Variants in DNMT3A observed in about 807,000 individuals in gnomAD.
DNMT3A encodes DNA methyltransferase 3 alpha, also known as DNA (cytosine-5)-methyltransferase 3A.
DNMT3A carries 267 observed loss-of-function variants against 117.6 expected under a neutral mutation model. That is an observed-to-expected ratio of 2.27 (90% CI 2.05 to 2.51). The LOEUF is 2.51. DNMT3A is among the 30% of genes most tolerant of loss of function. The probability of loss-of-function intolerance (pLI) is 0.00; values close to 1 mark genes in which losing one functional copy is unlikely to be tolerated. For missense variants in DNMT3A, 1,029 were observed against 1,260.2 expected, an observed-to-expected ratio of 0.82 and a Z score of 2.78; for synonymous variants, 432 against 474.8, an observed-to-expected ratio of 0.91 and a Z score of 1.17.
intron 6 of DNMT3A, chr2:25,251,901 C>A: frequency 2.1e-6 from 1 of 469,260 alleles, no homozygotes; most frequent in Non-Finnish European, 3.8e-6. Context: ...CGTGCCCCAG[C>A]CTGCAGTTAC....
At chr2:25,244,518 C>A (rs1023785603) in intron 14 of DNMT3A, 22 bp downstream of exon 14, 12 of 1,612,598 alleles carry the variant, frequency 7.4e-6, no homozygotes, top group Non-Finnish European at 9.3e-6. Context: ...AAGGAGACCA[C>A]TGGAGGCCAC....
intron 6 of DNMT3A, among the ~76,000 whole-genome samples, chr2:25,261,438 CAAA>C (rs1299589500): frequency 3.3e-5 from 1 of 30,110 alleles, no homozygotes; most frequent in Admixed American, 4.0e-4. Flanking sequence ...GACTCTGTCT[CAAA>C]AAAAAAAAAA....
At position 25,257,503 on chromosome 2, in the gene DNMT3A, G is replaced by A. The variant is rs1676260640; in HGVS notation, c.640-9251C>T. ...TCCTGGCTTCTCTGGAGGGAGAGAA[G>A]TGGGGGTCTGGTCTTGGCTTAGCCG... On this transcript the variant is annotated intron_variant, in intron 6 of 22. Transcript: ENST00000321117. The surrounding 1 kb of genome is among the most constrained non-coding windows in gnomAD (Gnocchi z 4.8). Among the ~76,000 whole-genome samples, 1 of 152,152 alleles carries A rather than the reference G, an allele frequency of 6.6e-6. No homozygotes were observed. Among genetic ancestry groups the A allele is most frequent in the African/African-American group, 2.4e-5 (1 of 41,434 alleles).
chr2:25,296,710 A>C lies in DNMT3A; in HGVS notation c.177+3429T>G, dbSNP rs991757210. On this transcript the variant is annotated intron_variant, in intron 3 of 22. Coordinates refer to ENST00000321117, the MANE Select transcript of DNMT3A (RefSeq NM_022552.5). This position sits in a 1 kb window ranked among gnomAD's most constrained non-coding sequence, Gnocchi z 4.2. ...GGGCAGGTGGAGTCTGGTTTGGGTG[A>C]GGGCAATGCCAGGGGGCAGAAGGCA... 9.8e-5 allele frequency among the ~76,000 whole-genome samples: 15 copies of C among 152,330 alleles called. No individual in the cohort carries two copies. The highest frequency in any genetic ancestry group is 3.6e-4 in the African/African-American group (15 of 41,564).
In DNMT3A at chr2:25,247,969, G is replaced by T; in HGVS notation, c.855+68C>A. The T allele has an allele frequency of 3.1e-6, 5 of 1,602,642 alleles. No individual in the cohort carries two copies. The highest frequency in any genetic ancestry group is 4.3e-6 in the Non-Finnish European group (5 of 1,174,330). On this transcript the variant is annotated intron_variant, in intron 7 of 22. Coordinates refer to ENST00000321117, the MANE Select transcript of DNMT3A (RefSeq NM_022552.5). This position sits in a 1 kb window ranked among gnomAD's most constrained non-coding sequence, Gnocchi z 5.6. Reference sequence around the variant, plus strand: ...GTGGGAGATGGAGAGAGGAGAGCAGGACGGGAGGAGCTGGCAGTGGAAGGC... The same window carrying T: ...GTGGGAGATGGAGAGAGGAGAGCAGTACGGGAGGAGCTGGCAGTGGAAGGC...
intron 1 of DNMT3A, among the ~76,000 whole-genome samples, chr2:25,322,360 T>C (rs980056804): frequency 1.3e-5 from 2 of 152,094 alleles, no homozygotes; most frequent in Admixed American, 6.6e-5. Flanking sequence ...TGTTGTTCTA[T>C]GAAATCATCA....
chr2:25,255,591 C>T (rs1220177428), intron 6 of DNMT3A, among the ~76,000 whole-genome samples: 7 of 152,116 alleles, frequency 4.6e-5, no homozygotes, highest in Admixed American at 1.3e-4. Context: ...CTCCTAAGCC[C>T]GACAAAAATA....
rs372309513 is a variant in DNMT3A, at chr2:25,247,028, G to A, written c.1122+23C>T. The A allele has an allele frequency of 2.9e-5, 47 of 1,609,108 alleles. No homozygotes were observed. The highest frequency in any genetic ancestry group is 1.6e-4 in the Middle Eastern group (1 of 6,080). ...TCCTAGTGCTCTAGGCTCCTCCTCC[G>A]AGCTCCCAGCAGGGACACTCACCTG... On this transcript the variant is annotated intron_variant, in intron 9 of 22. Transcript: ENST00000321117. This position sits in a 1 kb window ranked among gnomAD's most constrained non-coding sequence, Gnocchi z 5.6.
chr2:25,278,110 GC>G (rs1245568343), intron 4 of DNMT3A, among the ~76,000 whole-genome samples: 1 of 152,102 alleles, frequency 6.6e-6, no homozygotes, highest in Admixed American at 6.5e-5. Flanking sequence ...GGGAGGGTCA[GC>G]TGCTCTCTCA....
intron 3 of DNMT3A, among the ~76,000 whole-genome samples, chr2:25,284,158 C>T (rs1029373320): frequency 6.6e-5 from 10 of 152,170 alleles, no homozygotes; most frequent in African/African-American, 2.4e-4. Flanking sequence ...TCGCTGGCTC[C>T]GTATGCAGAA....
chr2:25,308,087 C>T (rs866939781), intron 2 of DNMT3A, among the ~76,000 whole-genome samples: 12 of 152,192 alleles, frequency 7.9e-5, no homozygotes, highest in Admixed American at 3.3e-4. Context: ...ACTCTGTCCC[C>T]ACCCATGGTT....
intron 6 of DNMT3A, among the ~76,000 whole-genome samples, chr2:25,259,021 C>T (rs767737377): frequency 1.3e-5 from 2 of 152,174 alleles, no homozygotes; most frequent in Admixed American, 6.5e-5. Context: ...CCCTTCTCTC[C>T]CCACCTCTAT....
chr2:25,299,163 T>A (rs2033275022), intron 3 of DNMT3A, among the ~76,000 whole-genome samples: 1 of 152,164 alleles, frequency 6.6e-6, no homozygotes, highest in East Asian at 1.9e-4. Context: ...TGCTGGGAAA[T>A]AATGACTGCT....
intron 4 of DNMT3A, among the ~76,000 whole-genome samples, chr2:25,280,275 TCA>T (rs1168037833): frequency 6.6e-6 from 1 of 150,758 alleles, no homozygotes; most frequent in Non-Finnish European, 1.5e-5. Flanking sequence ...GCTGATTACA[TCA>T]CACACACTGC....
rs2035335005 is a variant in DNMT3A, at chr2:25,339,566, C to T, written c.-178+2260G>A. Among the ~76,000 whole-genome samples, 1 of 152,198 alleles carries T rather than the reference C, an allele frequency of 6.6e-6. No individual in the cohort carries two copies. Among genetic ancestry groups the T allele is most frequent in the Non-Finnish European group, 1.5e-5 (1 of 68,030 alleles). On this transcript the variant is annotated intron_variant, in intron 1 of 22. Transcript: ENST00000321117. This position sits in a 1 kb window ranked among gnomAD's most constrained non-coding sequence, Gnocchi z 4.9. ...GCTGCTGCACAGGCCAGCCTGGTCC[C>T]TCGCCTGGAGCCAGCACATGTGCAC...
Position 25,241,709 on chromosome 2 carries a change from T to G in DNMT3A, c.1937-2A>C, listed in dbSNP as rs770305758. On this transcript the variant is annotated splice_acceptor_variant, in intron 16 of 22. Transcript: ENST00000321117. LOFTEE classifies it high-confidence loss of function. ...CCAAGTCCTTCAGCACCAGGAGCCC[T>G]GCACCAGCCAGCAGACAGCACCGTT... is the stretch of plus-strand genomic sequence containing the variant. 6.2e-7 allele frequency: 1 copy of G among 1,613,392 alleles called. No homozygotes were observed. Among genetic ancestry groups the G allele is most frequent in the Non-Finnish European group, 8.5e-7 (1 of 1,179,758 alleles).
rs1381276735 is a variant in DNMT3A at position 25,254,622 on chromosome 2, A to G, written c.640-6370T>C. Among the ~76,000 whole-genome samples, 1 of 151,914 alleles carries G rather than the reference A, an allele frequency of 6.6e-6. No individual in the cohort carries two copies. The highest frequency in any genetic ancestry group is 1.5e-5 in the Non-Finnish European group (1 of 67,982). On this transcript the variant is annotated intron_variant, in intron 6 of 22. Transcript: ENST00000321117. This position sits in a 1 kb window ranked among gnomAD's most constrained non-coding sequence, Gnocchi z 4.7. ...AATTTGTCCCTCTTGCCTGCTCCCA[A>G]CCTTTAGGGAATGCAGCATGACTTG...
intron 6 of DNMT3A, among the ~76,000 whole-genome samples, chr2:25,262,205 A>AC (rs1558688436): frequency 6.6e-6 from 1 of 151,514 alleles, no homozygotes; most frequent in African/African-American, 2.4e-5. Context: ...AAAAAAAAAA[A>AC]AAACCTGTCC....
intron 1 of DNMT3A, 56 bp from the exon 2 acceptor site, chr2:25,314,217 G>GGCCCTCAGCCCAGGGCCAC (rs1222625772): frequency 2.1e-6 from 3 of 1,396,128 alleles, no homozygotes; most frequent in Non-Finnish European, 2.8e-6. Flanking sequence ...CCCTGGGTCA[G>GGCCCTCAGCCCAGGGCCAC]GCCCTCAGCC....
Sources: allele counts gnomAD v4.1 joint callset (sites outside exome capture counted in the v4.1 genomes callset), GRCh38; gene constraint gnomAD v4.1.1; non-coding constraint Gnocchi (gnomAD v3.1); transcripts MANE v1.5; gene names NCBI Gene and HGNC (gene_info 2026-07-23, HGNC 2026-07-21).